The following SLIT2 variants were observed in gnomAD, a reference collection of about 807,000 sequenced individuals.
SLIT2 encodes the protein slit homolog 2 protein.
In SLIT2, 41 loss-of-function variants were observed where a neutral mutation model predicts 185.7. The observed-to-expected ratio is 0.22, with a 90% CI of 0.17 to 0.29. SLIT2 has a LOEUF of 0.29. Ranked by LOEUF, SLIT2 falls within the 10% of genes least tolerant of loss-of-function variation. The pLI, the probability that SLIT2 is intolerant of heterozygous loss-of-function variation, is 1.00. For synonymous variants in SLIT2, 693 were observed against 680.2 expected (o/e 1.02, Z -0.29); for missense variants, 1,571 against 1,909.0 (o/e 0.82, Z 3.30).
intron 5 of SLIT2, among the ~76,000 whole-genome samples, chr4:20,472,385 T>TATATCTATATATATATA (rs1560453709): frequency 3.3e-4 from 13 of 39,270 alleles, no homozygotes; most frequent in South Asian, 2.5e-3. Context: ...TCTATATATA[T>TATATCTATATATATATA]GTAGATATAT....
chr4:20,399,134 T>C (rs1726158902), intron 4 of SLIT2, among the ~76,000 whole-genome samples: 1 of 151,638 alleles, frequency 6.6e-6, no homozygotes, highest in South Asian at 2.1e-4. Flanking sequence ...GGTAAAAAAA[T>C]TATTTAAAAA....
chr4:20,590,964 T>C (rs1242334566), intron 30 of SLIT2, among the ~76,000 whole-genome samples: 1 of 152,226 alleles, frequency 6.6e-6, no homozygotes, highest in Non-Finnish European at 1.5e-5. Context: ...TTACAGTTGG[T>C]ATTGTGTAGC....
chr4:20,523,351 CA>C lies in SLIT2; in HGVS notation c.1131-408del, dbSNP rs376013031. Reference sequence around the variant, plus strand: ...TGATCTATTCCATGTTTAGAAGGATCACACTAGCTACTGTTTTGAGAATAGC... The same window carrying C: ...TGATCTATTCCATGTTTAGAAGGATCCACTAGCTACTGTTTTGAGAATAGC... On this transcript the variant is annotated intron_variant, in intron 12 of 36. Coordinates refer to ENST00000504154, the MANE Select transcript of SLIT2 (RefSeq NM_004787.4). 2.6e-5 allele frequency among the ~76,000 whole-genome samples: 4 copies of C among 152,244 alleles called. No individual in the cohort carries two copies. The East Asian group carries it at 7.7e-4, about 29-fold the overall frequency.
At chr4:20,389,539 T>C (rs907625918) in intron 4 of SLIT2, among the ~76,000 whole-genome samples, 3 of 151,912 alleles carry the variant, frequency 2.0e-5, no homozygotes, top group Admixed American at 6.6e-5. Flanking sequence ...ATGTGTTTTT[T>C]TTTTTAACCA....
intron 5 of SLIT2, among the ~76,000 whole-genome samples, chr4:20,478,932 C>T (rs1716406627): frequency 6.6e-6 from 1 of 152,086 alleles, no homozygotes; most frequent in South Asian, 2.1e-4. Context: ...ACCACAGCAG[C>T]CATATTACAT....
At chr4:20,454,300 C>T (rs1577686897) in intron 4 of SLIT2, among the ~76,000 whole-genome samples, 1 of 152,098 alleles carries the variant, frequency 6.6e-6, no homozygotes, top group East Asian at 1.9e-4. Context: ...TTTTTTCTAA[C>T]ACATACTGTT....
At chr4:20,503,599 T>C (rs143317325) in intron 9 of SLIT2, among the ~76,000 whole-genome samples, 4 of 152,290 alleles carry the variant, frequency 2.6e-5, no homozygotes, top group African/African-American at 9.6e-5. Context: ...TGGTTGCATC[T>C]ATTGAGTGTA....
chr4:20,263,543 C>A (rs972700974), intron 3 of SLIT2, among the ~76,000 whole-genome samples: 6 of 151,750 alleles, frequency 4.0e-5, no homozygotes, highest in African/African-American at 1.5e-4. Context: ...GAATACCAGG[C>A]AAATACACAT....
At chr4:20,309,828 C>T (rs994135385) in intron 4 of SLIT2, among the ~76,000 whole-genome samples, 20 of 141,708 alleles carry the variant, frequency 1.4e-4, no homozygotes, top group African/African-American at 4.5e-4. Flanking sequence ...GGCGTTATCT[C>T]GGCTCACTGC....
At chr4:20,404,966 T>C (rs1213831087) in intron 4 of SLIT2, among the ~76,000 whole-genome samples, 1 of 151,954 alleles carries the variant, frequency 6.6e-6, no homozygotes, top group Non-Finnish European at 1.5e-5. Flanking sequence ...ATAACATTTT[T>C]ATGAACCTCT....
At chr4:20,428,451 T>A (rs934023520) in intron 4 of SLIT2, among the ~76,000 whole-genome samples, 1 of 152,184 alleles carries the variant, frequency 6.6e-6, no homozygotes, top group African/African-American at 2.4e-5. Context: ...GTTTTGAGGT[T>A]TTTTGTTATT....
intron 26 of SLIT2, among the ~76,000 whole-genome samples, chr4:20,557,204 G>C (rs1396899358): frequency 1.3e-5 from 2 of 152,072 alleles, no homozygotes; most frequent in Admixed American, 1.3e-4. Flanking sequence ...GATGAAGGTG[G>C]TGACACTGTT....
intron 4 of SLIT2, among the ~76,000 whole-genome samples, chr4:20,370,598 A>T (rs1723491300): frequency 6.6e-6 from 1 of 152,098 alleles, no homozygotes; most frequent in Non-Finnish European, 1.5e-5. Context: ...GGACATTTCA[A>T]ACTTGGCAGG....
chr4:20,541,561 C>T lies in SLIT2; in HGVS notation c.2085C>T (p.Tyr695=), dbSNP rs1722801475. Residue 695 remains tyrosine, a synonymous_variant, in exon 20 of 37, where the codon TAC becomes TAT. Coordinates refer to ENST00000504154, the MANE Select transcript of SLIT2 (RefSeq NM_004787.4). ...VTGNPRCQKP[Y]FLKEIPIQDV... ...GAAATCCTAGATGTCAAAAACCATACTTCCTGAAAGAAATACCCATCCAGG... is the reference window on the plus strand; with the variant it reads ...GAAATCCTAGATGTCAAAAACCATATTTCCTGAAAGAAATACCCATCCAGG... 6.2e-7 allele frequency: 1 copy of T among 1,613,872 alleles called. No individual in the cohort carries two copies. The highest frequency in any genetic ancestry group is 8.5e-7 in the Non-Finnish European group (1 of 1,179,870).
chr4:20,313,763 T>C (rs1173061596), intron 4 of SLIT2, among the ~76,000 whole-genome samples: 2 of 152,070 alleles, frequency 1.3e-5, no homozygotes, highest in East Asian at 3.9e-4. Context: ...GCAAGCACAG[T>C]TGGCAAAAGG....
At chr4:20,379,914 G>A (rs1468249509) in intron 4 of SLIT2, among the ~76,000 whole-genome samples, 2 of 152,100 alleles carry the variant, frequency 1.3e-5, no homozygotes, top group Non-Finnish European at 2.9e-5. Context: ...GGAGGACGAG[G>A]CAGCTGGAAT....
At chr4:20,262,131 A>G (rs1712535867) in intron 3 of SLIT2, among the ~76,000 whole-genome samples, 1 of 151,870 alleles carries the variant, frequency 6.6e-6, no homozygotes, top group Non-Finnish European at 1.5e-5. Context: ...ATTCTTTTTA[A>G]ATTAGAAAAG....
chr4:20,342,888 G>C (rs975752079), intron 4 of SLIT2, among the ~76,000 whole-genome samples: 2 of 151,370 alleles, frequency 1.3e-5, no homozygotes, highest in Non-Finnish European at 2.9e-5. Context: ...TGCCTTGCCT[G>C]CCTTTTCTTC....
At chr4:20,267,941 A>G (rs1303952122) in intron 3 of SLIT2, among the ~76,000 whole-genome samples, 1 of 151,930 alleles carries the variant, frequency 6.6e-6, no homozygotes, top group African/African-American at 2.4e-5. Flanking sequence ...ATGTTACATC[A>G]GCTCTTTATC....
Sources: gnomAD v4.1 joint callset for allele counts (sites outside exome capture counted in the v4.1 genomes callset) on GRCh38, gnomAD v4.1.1 for gene constraint, MANE v1.5 for transcripts, NCBI Gene and HGNC (gene_info 2026-07-23, HGNC 2026-07-21) for gene names.